The following OTUD7A variants were observed in gnomAD, a reference collection of about 807,000 sequenced individuals.
OTUD7A encodes the protein OTU domain-containing protein 7A.
OTUD7A carries 12 observed loss-of-function variants against 65.7 expected under a neutral mutation model. The observed-to-expected ratio is 0.18, with a 90% CI of 0.12 to 0.30. The LOEUF is 0.30. Among genes scored for constraint, OTUD7A ranks in the 10% least tolerant of loss-of-function variants. The pLI, the probability that OTUD7A is intolerant of heterozygous loss-of-function variation, is 1.00. For missense variants in OTUD7A, 1,148 were observed against 1,304.8 expected (o/e 0.88, Z 1.85); for synonymous variants, 641 against 586.3 (o/e 1.09, Z -1.35).
intron 3 of OTUD7A, among the ~76,000 whole-genome samples, chr15:31,592,961 A>G (rs1437320868): frequency 9.6e-6 from 1 of 104,614 alleles, no homozygotes; most frequent in African/African-American, 6.2e-5. Context: ...GTATATATAT[A>G]TGTATATATA....
At chr15:31,864,265 A>G (rs528839603) in intron 1 of OTUD7A, among the ~76,000 whole-genome samples, 2 of 152,322 alleles carry the variant, frequency 1.3e-5, no homozygotes, top group South Asian at 4.1e-4. Context: ...ACCCAGTTCC[A>G]AAGTCACTTC....
At chr15:31,690,892 C>T (rs570752010) in intron 1 of OTUD7A, among the ~76,000 whole-genome samples, 11 of 152,262 alleles carry the variant, frequency 7.2e-5, no homozygotes, top group Admixed American at 1.3e-4. Flanking sequence ...TTGGGTATGA[C>T]ACCACCAAAA....
chr15:31,682,460 T>C (rs970236295), intron 1 of OTUD7A, among the ~76,000 whole-genome samples: 1 of 152,176 alleles, frequency 6.6e-6, no homozygotes, highest in Non-Finnish European at 1.5e-5. Flanking sequence ...GTTAGAGGAC[T>C]CGCACACTTG....
intron 3 of OTUD7A, 78 bp from the exon 4 acceptor site, chr15:31,570,275 G>A (rs901115026): frequency 4.0e-6 from 6 of 1,492,170 alleles, no homozygotes; most frequent in Non-Finnish European, 5.5e-6. Flanking sequence ...ACTGTGACAA[G>A]AAGGGTTTCC....
At chr15:31,543,107 G>T (rs139257099) in intron 5 of OTUD7A, among the ~76,000 whole-genome samples, 1 of 151,652 alleles carries the variant, frequency 6.6e-6, no homozygotes, top group Non-Finnish European at 1.5e-5. Context: ...TGTCTGATGA[G>T]ATTAAAAGTA....
intron 12 of OTUD7A, among the ~76,000 whole-genome samples, chr15:31,486,605 C>A (rs2041240414): frequency 1.7e-5 from 1 of 60,408 alleles, no homozygotes; most frequent in Admixed American, 1.9e-4. Context: ...CAGGGGCAGC[C>A]CCGGACCCTC....
At chr15:31,856,510 A>C (rs982925725) in intron 1 of OTUD7A, among the ~76,000 whole-genome samples, 1 of 152,220 alleles carries the variant, frequency 6.6e-6, no homozygotes, top group Non-Finnish European at 1.5e-5. Flanking sequence ...GAGGAACAAA[A>C]TGCTGAGAGT....
intron 1 of OTUD7A, among the ~76,000 whole-genome samples, chr15:31,773,742 T>C (rs192869073): frequency 6.6e-6 from 1 of 152,196 alleles, no homozygotes; most frequent in African/African-American, 2.4e-5. Flanking sequence ...GATGCTGGAG[T>C]TTTTGATGGG....
At chr15:31,630,361 T>C (rs1337313596) in intron 3 of OTUD7A, among the ~76,000 whole-genome samples, 3 of 152,142 alleles carry the variant, frequency 2.0e-5, no homozygotes, top group East Asian at 1.9e-4. Flanking sequence ...CCAGTAGTCA[T>C]TCAGGAGCAG....
chr15:31,703,003 T>G (rs566909649), intron 1 of OTUD7A, among the ~76,000 whole-genome samples: 1 of 151,584 alleles, frequency 6.6e-6, no homozygotes, highest in Non-Finnish European at 1.5e-5. Flanking sequence ...CAAATGGTGC[T>G]GGAACAAGGG....
At chr15:31,847,480 T>C (rs1897318139) in intron 1 of OTUD7A, among the ~76,000 whole-genome samples, 1 of 152,164 alleles carries the variant, frequency 6.6e-6, no homozygotes, top group Non-Finnish European at 1.5e-5. Context: ...AATACATACT[T>C]TACTCCAGGG....
chr15:31,506,149 C>A (rs2041561570), intron 8 of OTUD7A, among the ~76,000 whole-genome samples: 1 of 150,758 alleles, frequency 6.6e-6, no homozygotes, highest in Admixed American at 6.6e-5. Context: ...TTTTGTAGTG[C>A]TTTTGTTATA....
intron 1 of OTUD7A, among the ~76,000 whole-genome samples, chr15:31,817,283 C>CT (rs539113497): frequency 1.3e-5 from 2 of 150,162 alleles, no homozygotes; most frequent in Non-Finnish European, 3.0e-5. Flanking sequence ...TTGCCCCCCC[C>CT]CATCACTCAT....
intron 3 of OTUD7A, among the ~76,000 whole-genome samples, chr15:31,604,310 C>T (rs1334289978): frequency 3.9e-5 from 6 of 152,044 alleles, no homozygotes; most frequent in South Asian, 2.1e-4. Context: ...TGGATGAAGC[C>T]GGAAACCATC....
At position 31,562,772 on chromosome 15, in the gene OTUD7A, C is replaced by CT. The variant is rs1429041043; in HGVS notation, c.332-3586dup. Reference sequence around the variant, plus strand: ...GCCATGCAGTCTCAACTACTCACCTCTGTCTTTGCAGCACTAAAGCCGTCG... The same window carrying CT: ...GCCATGCAGTCTCAACTACTCACCTCTTGTCTTTGCAGCACTAAAGCCGTCG... On this transcript the variant is annotated intron_variant, in intron 4 of 12. Transcript: ENST00000307050. 2.0e-5 allele frequency among the ~76,000 whole-genome samples: 3 copies of CT among 152,298 alleles called. No individual in the cohort carries two copies. In the East Asian group the frequency reaches 5.8e-4, roughly 29 times the overall value.
chr15:31,831,617 C>T (rs1396772429), intron 1 of OTUD7A, among the ~76,000 whole-genome samples: 2 of 152,186 alleles, frequency 1.3e-5, no homozygotes, highest in Non-Finnish European at 2.9e-5. Flanking sequence ...TTCTCTGTGA[C>T]CCGATACCAT....
intron 1 of OTUD7A, among the ~76,000 whole-genome samples, chr15:31,668,474 G>A (rs1892379328): frequency 6.6e-6 from 1 of 152,162 alleles, no homozygotes; most frequent in Non-Finnish European, 1.5e-5. Flanking sequence ...ATTTCTATAA[G>A]TGTGTCCAGT....
chr15:31,789,067 A>C (rs1895747239), intron 1 of OTUD7A, among the ~76,000 whole-genome samples: 1 of 152,156 alleles, frequency 6.6e-6, no homozygotes, highest in Admixed American at 6.5e-5. Context: ...GGCATCACTA[A>C]AGTCTTGAAG....
At chr15:31,700,498 T>A (rs1385569337) in intron 1 of OTUD7A, among the ~76,000 whole-genome samples, 54 of 152,292 alleles carry the variant, frequency 3.5e-4, no homozygotes, top group African/African-American at 1.3e-3. Context: ...GCCCTCTCCA[T>A]CTCAATGAGT....
Sources: allele counts gnomAD v4.1 joint callset (sites outside exome capture counted in the v4.1 genomes callset), GRCh38; gene constraint gnomAD v4.1.1; transcripts MANE v1.5; gene names NCBI Gene and HGNC (gene_info 2026-07-23, HGNC 2026-07-21).